Variants in METTL16 observed in about 807,000 individuals in gnomAD.
The protein encoded by METTL16 is methyltransferase 16, RNA N6-adenosine, also known as RNA N(6)-adenosine-methyltransferase METTL16.
A neutral mutation model predicts 57.9 loss-of-function variants in METTL16; 19 were observed. The ratio of observed to expected loss-of-function variants is 0.33; its 90% confidence interval spans 0.23 to 0.48. The LOEUF (loss-of-function observed/expected upper bound fraction) is 0.48, where lower values mean the gene tolerates loss of function less well. METTL16 is among the 20% of genes least tolerant of loss of function. The pLI is 0.99. For synonymous variants in METTL16, 246 were observed against 255.6 expected (o/e 0.96, Z 0.36); for missense variants, 434 against 691.5 (o/e 0.63, Z 4.18).
rs903960118 is a variant in METTL16, at chr17:2,430,412, C to CTT, written c.888+7695_888+7696dup. 5.6e-3 allele frequency among the ~76,000 whole-genome samples: 658 copies of CTT among 118,486 alleles called. 2 individuals are homozygous for CTT. The highest frequency in any genetic ancestry group is 0.014 in the East Asian group (56 of 4,114). 77.7% of individuals were successfully genotyped at this position (118,486 alleles called of 152,430 possible). A position where few individuals can be genotyped will look rare whatever the true frequency, so the allele number is the denominator to read the frequency against. On this transcript the variant is annotated intron_variant, in intron 8 of 9. Coordinates refer to ENST00000263092, the MANE Select transcript of METTL16 (RefSeq NM_024086.4). Reference sequence around the variant, plus strand: ...TATTCAGATATATTTTTAGAATTCTCTTTTTTTTTTTTTTTTTTTTTGAGA... The same window carrying CTT: ...TATTCAGATATATTTTTAGAATTCTCTTTTTTTTTTTTTTTTTTTTTTTGAGA...
intron 2 of METTL16, among the ~76,000 whole-genome samples, chr17:2,497,163 G>C (rs1401299857): frequency 6.6e-6 from 1 of 150,944 alleles, no homozygotes; most frequent in Non-Finnish European, 1.5e-5. Flanking sequence ...GCACCATCAC[G>C]CCTGGCTTAT....
At chr17:2,510,179 A>T (rs1170239063) in intron 1 of METTL16, among the ~76,000 whole-genome samples, 1 of 152,198 alleles carries the variant, frequency 6.6e-6, no homozygotes, top group Non-Finnish European at 1.5e-5. Context: ...TATTTTCCCA[A>T]TTTATGGGGG....
rs536873100 is a variant in METTL16 at position 2,485,242 on chromosome 17, T to C, written c.129-7357A>G. Among the ~76,000 whole-genome samples the C allele has an allele frequency of 2.6e-3, 401 of 152,324 alleles. 2 individuals are homozygous for C. The highest frequency in any genetic ancestry group is 9.0e-3 in the African/African-American group (373 of 41,582). On this transcript the variant is annotated intron_variant, in intron 2 of 9. Coordinates refer to ENST00000263092, the MANE Select transcript of METTL16 (RefSeq NM_024086.4). ...CACTCCTTGAGGATCTAAAGCCTGA[T>C]GATCTGTCACTGTCTCCCATCACCC...
intron 2 of METTL16, among the ~76,000 whole-genome samples, chr17:2,482,012 G>A (rs1481533483): frequency 6.6e-6 from 1 of 152,076 alleles, no homozygotes. Context: ...AAAGCCCTTA[G>A]AGGAAAAAAA....
chr17:2,442,354 T>C (rs771582842), intron 6 of METTL16, among the ~76,000 whole-genome samples: 8 of 152,134 alleles, frequency 5.3e-5, no homozygotes, highest in Non-Finnish European at 1.2e-4. Context: ...CAGACTGCAG[T>C]ACAGGGAAAA....
chr17:2,494,868 T>C (rs1038436853), intron 2 of METTL16, among the ~76,000 whole-genome samples: 1 of 151,504 alleles, frequency 6.6e-6, no homozygotes, highest in African/African-American at 2.4e-5. Flanking sequence ...CATGGTGGCG[T>C]GCACCTGTAG....
intron 2 of METTL16, among the ~76,000 whole-genome samples, chr17:2,499,956 G>A (rs940169041): frequency 2.0e-5 from 3 of 152,056 alleles, no homozygotes; most frequent in Admixed American, 6.6e-5. Context: ...GTTTTGCTTT[G>A]TTGGCCAGGC....
intron 4 of METTL16, among the ~76,000 whole-genome samples, chr17:2,471,970 T>C (rs940069696): frequency 6.6e-6 from 1 of 151,228 alleles, no homozygotes; most frequent in African/African-American, 2.4e-5. Flanking sequence ...AAAAATTAGC[T>C]GGGCGTGGTG....
intron 2 of METTL16, among the ~76,000 whole-genome samples, chr17:2,481,533 G>A (rs951901568): frequency 6.6e-5 from 10 of 152,066 alleles, no homozygotes; most frequent in African/African-American, 1.9e-4. Flanking sequence ...GGTTGTACAC[G>A]TGTCAATATA....
chr17:2,423,261 GGTGTGTGT>G (rs58486923), intron 8 of METTL16, among the ~76,000 whole-genome samples: 15,174 of 143,606 alleles, frequency 0.11, 2,425 homozygotes, highest in African/African-American at 0.35. Context: ...AAAAACAAAG[GGTGTGTGT>G]GTGTGTGTGT....
At chr17:2,505,524 T>C (rs866221507) in intron 1 of METTL16, among the ~76,000 whole-genome samples, 4 of 150,656 alleles carry the variant, frequency 2.7e-5, no homozygotes, top group African/African-American at 7.3e-5. Context: ...GCTAGGATTA[T>C]AGTTGTAAGC....
In METTL16 at chr17:2,417,046, G is replaced by A. The variant is rs2066722144; in HGVS notation, c.*2924C>T. The A allele has an allele frequency of 9.9e-6, 1 of 100,992 alleles. No homozygotes were observed. The highest frequency in any genetic ancestry group is 3.8e-4 in the South Asian group (1 of 2,630). The allele number at this position is 100,992 out of a possible 1,614,324, so 6.3% of individuals were successfully genotyped here. A position where few individuals can be genotyped will look rare whatever the true frequency, so the allele number is the denominator to read the frequency against. ...TCGGCTCCAGACTGAAAGCTGGCCT[G>A]CTCATGGGTTCCTTTTTTTTTTTTT... On this transcript the variant is annotated 3_prime_UTR_variant, in exon 10 of 10. Coordinates refer to ENST00000263092, the MANE Select transcript of METTL16 (RefSeq NM_024086.4).
At chr17:2,429,198 CTTTT>C (rs55994674) in intron 8 of METTL16, among the ~76,000 whole-genome samples, 2 of 120,366 alleles carry the variant, frequency 1.7e-5, no homozygotes, top group Non-Finnish European at 1.6e-5. Flanking sequence ...AAGAATGAAA[CTTTT>C]TTTTTTTTTT....
At chr17:2,427,072 G>C (rs975169001) in intron 8 of METTL16, among the ~76,000 whole-genome samples, 1 of 152,158 alleles carries the variant, frequency 6.6e-6, no homozygotes, top group African/African-American at 2.4e-5. Context: ...CTTGAACCCA[G>C]GAGGCAGGGC....
At chr17:2,448,877 A>G (rs543008765) in intron 6 of METTL16, among the ~76,000 whole-genome samples, 3 of 149,446 alleles carry the variant, frequency 2.0e-5, no homozygotes, top group Non-Finnish European at 4.5e-5. Flanking sequence ...AAATACAAAA[A>G]TTAGCTGGGT....
chr17:2,466,707 G>C (rs965202732), intron 5 of METTL16, among the ~76,000 whole-genome samples: 1 of 152,090 alleles, frequency 6.6e-6, no homozygotes, highest in African/African-American at 2.4e-5. Context: ...TCCTAGATTA[G>C]TTATAATACC....
intron 8 of METTL16, among the ~76,000 whole-genome samples, chr17:2,432,197 G>A (rs1327107943): frequency 1.3e-5 from 2 of 152,166 alleles, no homozygotes; most frequent in African/African-American, 2.4e-5. Context: ...TGATCCGCCT[G>A]CCTTGGCCTC....
At chr17:2,501,857 C>CAAAAAAAAAAAA (rs71889986) in intron 2 of METTL16, among the ~76,000 whole-genome samples, 1 of 100,392 alleles carries the variant, frequency 1.0e-5, no homozygotes, top group East Asian at 2.4e-4. Flanking sequence ...GACTTTGTCT[C>CAAAAAAAAAAAA]AAAAAAAAAA....
intron 8 of METTL16, among the ~76,000 whole-genome samples, chr17:2,422,960 A>G (rs955702525): frequency 1.3e-5 from 2 of 152,106 alleles, no homozygotes; most frequent in Non-Finnish European, 2.9e-5. Context: ...TCCAGCCTGG[A>G]GACAGAAGGA....
Sources: allele counts gnomAD v4.1 joint callset (sites outside exome capture counted in the v4.1 genomes callset), GRCh38; gene constraint gnomAD v4.1.1; transcripts MANE v1.5; gene names NCBI Gene and HGNC (gene_info 2026-07-23, HGNC 2026-07-21).